FOCAD: variants seen among roughly 807,000 people sequenced by gnomAD.
FOCAD encodes the protein focadhesin.
FOCAD carries 198 observed loss-of-function variants against 225.6 expected under a neutral mutation model. That is an observed-to-expected ratio of 0.88 (90% CI 0.78 to 0.99). The LOEUF is 0.99. FOCAD is among the 50% of genes least tolerant of loss of function. The pLI, the probability that FOCAD is intolerant of heterozygous loss-of-function variation, is 0.00. For missense variants in FOCAD, 2,713 were observed against 2,123.6 expected (o/e 1.28, Z -5.46); for synonymous variants, 897 against 755.0 (o/e 1.19, Z -3.08).
chr9:20,715,960 G>A (rs1483565880), intron 2 of FOCAD: 1 of 208,968 alleles, frequency 4.8e-6, no homozygotes. Flanking sequence ...GAAACATTCT[G>A]GTTAATCAAG....
intron 5 of FOCAD, among the ~76,000 whole-genome samples, chr9:20,743,483 G>A (rs1461749150): frequency 1.3e-5 from 2 of 152,224 alleles, no homozygotes; most frequent in East Asian, 3.8e-4. Context: ...AGTTGTACCA[G>A]TATGGGAGTG....
At chr9:20,946,843 T>A in intron 30 of FOCAD, 23 bp downstream of exon 30, 1 of 1,611,854 alleles carries the variant, frequency 6.2e-7, no homozygotes, top group Non-Finnish European at 8.5e-7. Flanking sequence ...GCCCTGATTA[T>A]TTCTCTCTGT....
chr9:20,719,923 A>G (rs551680023), intron 3 of FOCAD, among the ~76,000 whole-genome samples: 12 of 151,912 alleles, frequency 7.9e-5, no homozygotes, highest in Non-Finnish European at 1.6e-4. Context: ...AGGTGCATGT[A>G]GGTGATAGAG....
At chr9:20,930,186 C>G (rs1004322522) in intron 27 of FOCAD, among the ~76,000 whole-genome samples, 2 of 97,764 alleles carry the variant, frequency 2.0e-5, no homozygotes, top group Admixed American at 1.9e-4. Context: ...TTTTGGACTG[C>G]TAACTTTATT....
chr9:20,747,609 C>T (rs1828160520), intron 5 of FOCAD, among the ~76,000 whole-genome samples: 2 of 152,108 alleles, frequency 1.3e-5, no homozygotes, highest in Admixed American at 6.6e-5. Flanking sequence ...ACTCTCTATT[C>T]CCAGCCCCTG....
intron 43 of FOCAD, among the ~76,000 whole-genome samples, chr9:20,993,600 A>G (rs1014982533): frequency 5.9e-5 from 9 of 152,296 alleles, no homozygotes; most frequent in Admixed American, 3.3e-4. Context: ...TTTATATAAT[A>G]TTTTTAGTAA....
At chr9:20,930,363 A>G (rs1221868773) in intron 27 of FOCAD, among the ~76,000 whole-genome samples, 3 of 152,226 alleles carry the variant, frequency 2.0e-5, no homozygotes, top group Non-Finnish European at 4.4e-5. Context: ...GTAGTGGGCT[A>G]CAATATGAAT....
intron 28 of FOCAD, among the ~76,000 whole-genome samples, chr9:20,938,683 G>A (rs546481088): frequency 2.6e-5 from 4 of 151,890 alleles, no homozygotes; most frequent in South Asian, 2.1e-4. Context: ...TACATATGTA[G>A]CTAACCTGCA....
At chr9:20,788,643 C>G (rs1051211168) in intron 10 of FOCAD, among the ~76,000 whole-genome samples, 1 of 152,146 alleles carries the variant, frequency 6.6e-6, no homozygotes, top group Non-Finnish European at 1.5e-5. Context: ...TATTAGCAAG[C>G]AATGTCTAAT....
chr9:20,704,818 A>G (rs1056547234), intron 1 of FOCAD, among the ~76,000 whole-genome samples: 8 of 152,204 alleles, frequency 5.3e-5, no homozygotes, highest in Admixed American at 2.6e-4. Flanking sequence ...CTCTATTTCT[A>G]CAAAATGTAT....
At chr9:20,765,547 T>C (rs775693269) in intron 7 of FOCAD, among the ~76,000 whole-genome samples, 2 of 152,150 alleles carry the variant, frequency 1.3e-5, no homozygotes, top group African/African-American at 4.8e-5. Context: ...TTGCAACATA[T>C]GCAGCAGCTC....
rs1836994981 is a variant in FOCAD at position 20,944,610 on chromosome 9, CT to C, written c.3408-11del. 4.4e-6 allele frequency: 7 copies of C among 1,607,032 alleles called. No homozygotes were observed. Among genetic ancestry groups the C allele is most frequent in the South Asian group, 2.2e-5 (2 of 90,252 alleles). ...ATTTCTTATGATCCTAACATCTTAT[CT>C]TTTTTGGCTTCCAAGCACGGGCTGT... On this transcript the variant is annotated splice_polypyrimidine_tract_variant and intron_variant, in intron 28 of 43. Coordinates refer to ENST00000338382, the MANE Select transcript of FOCAD (RefSeq NM_001375567.1).
At chr9:20,890,318 A>G (rs1831503716) in intron 21 of FOCAD, among the ~76,000 whole-genome samples, 1 of 147,164 alleles carries the variant, frequency 6.8e-6, no homozygotes, top group African/African-American at 2.5e-5. Context: ...GATTTTGTCG[A>G]CTTCCTTTGT....
intron 10 of FOCAD, among the ~76,000 whole-genome samples, chr9:20,786,395 A>G (rs1215890589): frequency 6.6e-6 from 1 of 152,172 alleles, no homozygotes; most frequent in Non-Finnish European, 1.5e-5. Context: ...TCTCTTGGTT[A>G]TAACCAACCA....
chr9:20,948,979 T>C, intron 32 of FOCAD, 51 bp downstream of exon 32: 1 of 1,521,260 alleles, frequency 6.6e-7, no homozygotes, highest in Non-Finnish European at 9.1e-7. Flanking sequence ...TACATAGCCA[T>C]AGCGGGAGAA....
intron 10 of FOCAD, among the ~76,000 whole-genome samples, chr9:20,783,444 C>G (rs1819604357): frequency 6.6e-6 from 1 of 152,192 alleles, no homozygotes; most frequent in African/African-American, 2.4e-5. Context: ...ATTTAACATG[C>G]CCCAAACTCT....
chr9:20,954,949 G>C (rs1487536020), intron 35 of FOCAD, among the ~76,000 whole-genome samples: 2 of 152,156 alleles, frequency 1.3e-5, no homozygotes, highest in African/African-American at 4.8e-5. Flanking sequence ...GGCCAAATGC[G>C]GAGGTGTGCA....
chr9:20,767,522 T>A (rs1484903063), intron 7 of FOCAD, among the ~76,000 whole-genome samples: 2 of 151,776 alleles, frequency 1.3e-5, no homozygotes, highest in Non-Finnish European at 2.9e-5. Flanking sequence ...CCATTCTAAC[T>A]GGTGTGAGAT....
intron 23 of FOCAD, among the ~76,000 whole-genome samples, chr9:20,914,693 T>G (rs910436595): frequency 1.3e-5 from 2 of 152,056 alleles, no homozygotes; most frequent in Non-Finnish European, 2.9e-5. Flanking sequence ...TTCGGGAGAT[T>G]GCAGGGTGGA....
Sources: gnomAD v4.1 joint callset for allele counts (sites outside exome capture counted in the v4.1 genomes callset) on GRCh38, gnomAD v4.1.1 for gene constraint, MANE v1.5 for transcripts, NCBI Gene and HGNC (gene_info 2026-07-23, HGNC 2026-07-21) for gene names.